LMLN: variants seen among roughly 807,000 people sequenced by gnomAD.
LMLN encodes leishmanolysin like peptidase.
A neutral mutation model predicts 92.3 loss-of-function variants in LMLN; 70 were observed. The observed-to-expected ratio is 0.76, with a 90% CI of 0.63 to 0.92. The LOEUF (loss-of-function observed/expected upper bound fraction) is 0.92, where lower values mean the gene tolerates loss of function less well. Ranked by LOEUF, LMLN falls within the 40% of genes least tolerant of loss-of-function variation. LMLN has a pLI of 0.00. For synonymous variants in LMLN, 308 were observed against 296.2 expected, an observed-to-expected ratio of 1.04 and a Z score of -0.41; for missense variants, 691 against 814.6, an observed-to-expected ratio of 0.85 and a Z score of 1.85.
At chr3:198,016,213 A>T (rs1581171609) in intron 11 of LMLN, among the ~76,000 whole-genome samples, 1 of 150,744 alleles carries the variant, frequency 6.6e-6, no homozygotes, top group East Asian at 2.0e-4. Context: ...AAAAAAAAAA[A>T]GGAAAAGAAA....
intron 13 of LMLN, 40 bp from the exon 15 acceptor site, chr3:198,024,618 A>G (rs754391336): frequency 2.6e-6 from 4 of 1,518,866 alleles, no homozygotes; most frequent in African/African-American, 1.4e-5. Context: ...TCTTTGAGCC[A>G]AAAGTCAATT....
chr3:197,985,913 T>G lies in LMLN; in HGVS notation c.929+23T>G, dbSNP rs780616643. The G allele has an allele frequency of 4.2e-6, 6 of 1,421,800 alleles. No individual in the cohort carries two copies. The Admixed American group carries it at 1.0e-4, about 24-fold the overall frequency. 88.1% of individuals were successfully genotyped at this position (1,421,800 alleles called of 1,614,324 possible). On this transcript the variant is annotated intron_variant, in intron 8 of 15. Coordinates refer to ENST00000330198, the Ensembl canonical transcript of LMLN. ...TAGGTATTTTTGTTGTTGTTGCTCT[T>G]GTTCTCCTCTTTTAGGAGGGTGCTA...
chr3:197,996,091 T>C (rs1722009085), intron 9 of LMLN, 84 bp from the exon 10 acceptor site: 2 of 590,676 alleles, frequency 3.4e-6, no homozygotes, highest in South Asian at 3.5e-5. Context: ...TGTTAACTTA[T>C]TATATTCATG....
At chr3:198,032,101 C>CA (rs35145607) in intron 14 of LMLN, among the ~76,000 whole-genome samples, 9,703 of 103,504 alleles carry the variant, frequency 0.094, 409 homozygotes, top group East Asian at 0.15. Flanking sequence ...GACTCTGACT[C>CA]AAAAAAAAAA....
At chr3:197,969,227 A>G (rs1721155885) in intron 1 of LMLN, among the ~76,000 whole-genome samples, 1 of 152,002 alleles carries the variant, frequency 6.6e-6, no homozygotes, top group African/African-American at 2.4e-5. Context: ...GATTATAGGT[A>G]TGAGCCACCA....
intron 8 of LMLN, among the ~76,000 whole-genome samples, chr3:197,988,902 C>T (rs748822672): frequency 1.3e-5 from 2 of 152,120 alleles, no homozygotes; most frequent in Non-Finnish European, 2.9e-5. Context: ...GGTTTGGTCT[C>T]ATACTCCTGA....
intron 11 of LMLN, among the ~76,000 whole-genome samples, chr3:198,011,846 A>C (rs1350229832): frequency 6.6e-6 from 1 of 152,208 alleles, no homozygotes; most frequent in Non-Finnish European, 1.5e-5. Context: ...CACCAAAAGC[A>C]ATGGCAACAA....
intron 10 of LMLN, among the ~76,000 whole-genome samples, chr3:197,998,928 C>G (rs183317961): frequency 1.3e-5 from 2 of 152,214 alleles, no homozygotes; most frequent in African/African-American, 4.8e-5. Flanking sequence ...GTGCATTTGC[C>G]TCAATCACCC....
At position 198,021,683 on chromosome 3, in the gene LMLN, A is replaced by G. The variant is rs576345813; in HGVS notation, c.1525+78A>G. The G allele has an allele frequency of 1.1e-5, 14 of 1,293,980 alleles. No homozygotes were observed. The East Asian group carries it at 3.4e-4, about 32-fold the overall frequency. The allele number at this position is 1,293,980 out of a possible 1,614,324, so 80.2% of individuals were successfully genotyped here. Reference sequence around the variant, plus strand: ...GCAATATAGAATCGTGGTTAAGGGCACAGACCCTAGAGCAGGACTGTCTGA... The same window carrying G: ...GCAATATAGAATCGTGGTTAAGGGCGCAGACCCTAGAGCAGGACTGTCTGA... On this transcript the variant is annotated intron_variant, in intron 13 of 15. Coordinates refer to ENST00000330198, the Ensembl canonical transcript of LMLN.
At chr3:198,035,968 T>G (rs1159922280) in exon 15 of LMLN, 5 of 1,614,178 alleles carry the variant, frequency 3.1e-6, no homozygotes, top group Non-Finnish European at 4.2e-6. Context: ...CTGCCCATCA[T>G]GTTGGGACTT....
chr3:198,024,860 A>C (rs995715150), intron 14 of LMLN, 72 bp downstream of exon 15: 1 of 1,254,588 alleles, frequency 8.0e-7, no homozygotes, highest in Non-Finnish European at 1.1e-6. Context: ...TTGTATTTTA[A>C]ATTATATTTT....
intron 13 of LMLN, among the ~76,000 whole-genome samples, chr3:198,023,134 A>C (rs576553834): frequency 9.2e-5 from 14 of 152,202 alleles, no homozygotes; most frequent in Non-Finnish European, 1.5e-4. Context: ...TACGTGAATG[A>C]ATGTGCCAGG....
At chr3:198,038,478 A>C (rs1354661095) in intron 15 of LMLN, 89 bp from the exon 17 acceptor site, 2 of 938,536 alleles carry the variant, frequency 2.1e-6, no homozygotes, top group East Asian at 4.8e-5. Context: ...ACTTTTTAAT[A>C]ATCACTGCTC....
intron 15 of LMLN, among the ~76,000 whole-genome samples, chr3:198,037,847 TC>T (rs1225016835): frequency 6.6e-6 from 1 of 152,208 alleles, no homozygotes; most frequent in Non-Finnish European, 1.5e-5. Context: ...TGTTTCAAAA[TC>T]AAGTCTGATT....
At chr3:198,000,023 A>G (rs1029211961) in intron 11 of LMLN, among the ~76,000 whole-genome samples, 3 of 152,244 alleles carry the variant, frequency 2.0e-5, no homozygotes, top group Non-Finnish European at 4.4e-5. Context: ...TTATAAAACA[A>G]TGGAACTTTC....
At chr3:197,999,445 A>G (rs907996977) in intron 11 of LMLN, 103 bp downstream of exon 11, 5 of 727,070 alleles carry the variant, frequency 6.9e-6, no homozygotes, top group Non-Finnish European at 1.2e-5. Flanking sequence ...GAAGCAAAAT[A>G]TACTTATTAA....
chr3:197,976,845 A>T (rs1721397616), intron 5 of LMLN, 130 bp downstream of exon 5: 1 of 465,320 alleles, frequency 2.1e-6, no homozygotes. Flanking sequence ...GTAACCACAG[A>T]TATGCTGATT....
chr3:197,973,999 A>C (rs1318251621), intron 1 of LMLN, among the ~76,000 whole-genome samples: 1 of 152,154 alleles, frequency 6.6e-6, no homozygotes, highest in South Asian at 2.1e-4. Flanking sequence ...TTCATAAATA[A>C]ATTTTTGTCC....
At position 198,034,635 on chromosome 3, in the gene LMLN, T is replaced by A. The variant is rs953370914; in HGVS notation, c.1657-1198T>A. Among the ~76,000 whole-genome samples the A allele has an allele frequency of 1.2e-4, 19 of 152,236 alleles. No individual in the cohort carries two copies. In the East Asian group the frequency reaches 1.4e-3, roughly 11 times the overall value. On this transcript the variant is annotated intron_variant, in intron 14 of 15. Coordinates refer to ENST00000330198, the Ensembl canonical transcript of LMLN. ...AAAAAAAATAAATAAATTAAAATTT[T>A]AAAAAATTACTATTTCTAAATGTTT...
Sources: allele counts gnomAD v4.1 joint callset (sites outside exome capture counted in the v4.1 genomes callset), GRCh38; gene constraint gnomAD v4.1.1; transcripts MANE v1.5; gene names NCBI Gene and HGNC (gene_info 2026-07-23, HGNC 2026-07-21).